RNF214: variants seen among roughly 807,000 people sequenced by gnomAD.
The protein encoded by RNF214 is ring finger protein 214.
Under a neutral mutation model 75.9 loss-of-function variants are expected in RNF214, and 25 were observed. The ratio of observed to expected loss-of-function variants is 0.33; its 90% CI spans 0.24 to 0.46. The LOEUF (loss-of-function observed/expected upper bound fraction) is 0.46. Ranked by LOEUF, RNF214 falls within the 20% of genes least tolerant of loss-of-function variation. The pLI is 1.00. For missense variants in RNF214, 725 were observed against 857.5 expected (o/e 0.85, Z 1.93); for synonymous variants, 314 against 308.8 (o/e 1.02, Z -0.18).
intron 8 of RNF214, 130 bp downstream of exon 8, chr11:117,280,389 T>C: frequency 2.9e-6 from 2 of 699,932 alleles, no homozygotes; most frequent in Non-Finnish European, 2.5e-6. Context: ...AGGCTATCTC[T>C]GTCTGCAGTA....
intron 6 of RNF214, among the ~76,000 whole-genome samples, chr11:117,258,871 G>A (rs898557460): frequency 3.9e-5 from 6 of 152,104 alleles, no homozygotes; most frequent in Admixed American, 2.6e-4. Flanking sequence ...CTTATACAGT[G>A]TACTCTTTTG....
At chr11:117,280,053 A>G in intron 7 of RNF214, 49 bp downstream of exon 7, 1 of 1,541,296 alleles carries the variant, frequency 6.5e-7, no homozygotes, top group African/African-American at 1.4e-5. Context: ...AGGCTTCCAG[A>G]TGGTATCTAC....
At chr11:117,239,763 C>G (rs551437480) in intron 3 of RNF214, 38 bp from the exon 4 acceptor site, 2 of 1,152,764 alleles carry the variant, frequency 1.7e-6, no homozygotes, top group African/African-American at 1.5e-5. Flanking sequence ...TTTAAAGTGT[C>G]TCTGAACGAT....
At chr11:117,276,332 G>C (rs1188144928) in intron 6 of RNF214, among the ~76,000 whole-genome samples, 1 of 152,112 alleles carries the variant, frequency 6.6e-6, no homozygotes, top group Non-Finnish European at 1.5e-5. Flanking sequence ...GAACAAGGCC[G>C]GGCACAGTGG....
rs527819924 is a variant in RNF214 at position 117,239,817 on chromosome 11, C to G, written c.635C>G (p.Ala212Gly). The G allele has an allele frequency of 6.4e-6, 10 of 1,562,642 alleles. No individual in the cohort carries two copies. In the East Asian group the frequency reaches 2.2e-4, roughly 35 times the overall value. ...CCTTTATAGACTGACTTTAAGACAGCTGATTCAGAGGTAAACACAGATCAA... is the reference window on the plus strand; with the variant it reads ...CCTTTATAGACTGACTTTAAGACAGGTGATTCAGAGGTAAACACAGATCAA... Reference protein sequence around the residue: ...NIAVQTDFKTADSEVNTDQDI... With the variant: ...NIAVQTDFKTGDSEVNTDQDI... Residue 212 changes from alanine to glycine, a missense_variant, in exon 4 of 15, where the codon GCT becomes GGT. Ala to Gly is a moderately conservative substitution (Grantham distance 60, BLOSUM62 0). Coordinates refer to ENST00000300650, the MANE Select transcript of RNF214 (RefSeq NM_207343.4).
At chr11:117,240,384 TAAA>T (rs372718608) in intron 4 of RNF214, among the ~76,000 whole-genome samples, 2 of 61,716 alleles carry the variant, frequency 3.2e-5, no homozygotes, top group Non-Finnish European at 6.2e-5. Context: ...CAAAAAAAAT[TAAA>T]AAAAAAAAAA....
intron 6 of RNF214, among the ~76,000 whole-genome samples, chr11:117,259,760 G>C (rs1375725747): frequency 6.6e-6 from 1 of 151,832 alleles, no homozygotes; most frequent in Non-Finnish European, 1.5e-5. Context: ...CTTTTCTTGG[G>C]GGGTTGAGTT....
At position 117,286,354 on chromosome 11, in the gene RNF214, C is replaced by G. The variant is rs2034260087; in HGVS notation, c.*1203C>G. On this transcript the variant is annotated 3_prime_UTR_variant, in exon 15 of 15. Coordinates refer to ENST00000300650, the MANE Select transcript of RNF214 (RefSeq NM_207343.4). ...GGTTTTATACCTGGGAAAGCTGTGA[C>G]TCTATTAGAGCTTTGAATCTTTTCC... 6.6e-6 allele frequency: 1 copy of G among 152,200 alleles called. No homozygotes were observed. Among genetic ancestry groups the G allele is most frequent in the South Asian group, 2.1e-4 (1 of 4,834 alleles). The allele number at this position is 152,200 out of a possible 1,614,324, so 9.4% of individuals were successfully genotyped here.
rs1296355741 is a variant in RNF214, at chr11:117,281,412, T to C, written c.1236+8T>C. 4.4e-6 allele frequency: 7 copies of C among 1,592,250 alleles called. No individual in the cohort carries two copies. Among genetic ancestry groups the C allele is most frequent in the Non-Finnish European group, 6.0e-6 (7 of 1,160,232 alleles). On this transcript the variant is annotated splice_region_variant and intron_variant, in intron 9 of 14. Transcript: ENST00000300650. ...ATGAAAAAGAATGTTCGTGTAAGTG[T>C]ATCTATGAGTCATCATTCAGTCAGT...
chr11:117,265,494 A>G (rs895977669), intron 6 of RNF214, among the ~76,000 whole-genome samples: 1 of 151,816 alleles, frequency 6.6e-6, no homozygotes, highest in Admixed American at 6.6e-5. Context: ...GCTCACTGCA[A>G]CCTCTGCCTC....
intron 8 of RNF214, among the ~76,000 whole-genome samples, chr11:117,280,644 C>G (rs1244012345): frequency 6.6e-6 from 1 of 152,124 alleles, no homozygotes; most frequent in Non-Finnish European, 1.5e-5. Context: ...TGCACTCCAG[C>G]CTAGGTGACA....
chr11:117,268,593 G>A (rs2033845086), intron 6 of RNF214, among the ~76,000 whole-genome samples: 1 of 152,010 alleles, frequency 6.6e-6, no homozygotes, highest in Non-Finnish European at 1.5e-5. Context: ...GTCTTTCCTT[G>A]TAACTGTGTA....
intron 6 of RNF214, among the ~76,000 whole-genome samples, chr11:117,252,174 T>C (rs2033412502): frequency 1.3e-5 from 2 of 152,192 alleles, no homozygotes; most frequent in African/African-American, 2.4e-5. Context: ...TGGCCTATGA[T>C]TTGCATTTTC....
chr11:117,261,668 C>A (rs539203883), intron 6 of RNF214, among the ~76,000 whole-genome samples: 1 of 152,070 alleles, frequency 6.6e-6, no homozygotes, highest in Admixed American at 6.6e-5. Flanking sequence ...GTGAGTGTGA[C>A]AGAGTCTCCC....
chr11:117,283,391 C>T (rs981349181), intron 14 of RNF214, among the ~76,000 whole-genome samples, 181 bp downstream of exon 14: 6 of 151,794 alleles, frequency 4.0e-5, no homozygotes, highest in Non-Finnish European at 7.4e-5. Context: ...GACAGAGTCT[C>T]GCTCTGTTGC....
In RNF214 at chr11:117,238,654, G is replaced by A; in HGVS notation, c.161G>A (p.Ser54Asn). 6.2e-7 allele frequency: 1 copy of A among 1,614,130 alleles called. No individual in the cohort carries two copies. Among genetic ancestry groups the A allele is most frequent in the Non-Finnish European group, 8.5e-7 (1 of 1,180,006 alleles). Residue 54 changes from serine (S) to asparagine (N), a missense_variant, in exon 3 of 15, where the codon AGC (serine) becomes AAC (asparagine). Transcript: ENST00000300650. The part of the protein sequence containing the change: ...QKNSPLLSVS[S>N]QTITKENNRN... Reference sequence around the variant, plus strand: ...AACTCGCCTCTGTTGAGTGTAAGTAGCCAAACAATAACCAAGGAGAATAAC... The same window carrying A: ...AACTCGCCTCTGTTGAGTGTAAGTAACCAAACAATAACCAAGGAGAATAAC...
rs1422785968 is a variant in RNF214, at chr11:117,281,875, T to A, written c.1336-19T>A. Reference sequence around the variant, plus strand: ...TTTTCTTCCTTTCTCTCTCGTCCTCTACCTCTTCTCCTCTGCAGACAGACT... The same window carrying A: ...TTTTCTTCCTTTCTCTCTCGTCCTCAACCTCTTCTCCTCTGCAGACAGACT... On this transcript the variant is annotated intron_variant, in intron 10 of 14. Transcript: ENST00000300650. 6.2e-7 allele frequency: 1 copy of A among 1,609,174 alleles called. No homozygotes were observed. Among genetic ancestry groups the A allele is most frequent in the South Asian group, 1.1e-5 (1 of 90,824 alleles).
intron 6 of RNF214, among the ~76,000 whole-genome samples, chr11:117,265,088 G>A (rs2033766906): frequency 6.6e-6 from 1 of 150,702 alleles, no homozygotes; most frequent in South Asian, 2.1e-4. Flanking sequence ...AAAAAAATTG[G>A]TTCTCTTAAT....
In RNF214 at chr11:117,282,107, C is replaced by A. The variant is rs1257998070; in HGVS notation, c.1549C>A (p.Leu517Ile). Residue 517 changes from leucine to isoleucine, a missense_variant, in exon 11 of 15, where the codon CTT becomes ATT. Physicochemically the swap from Leu to Ile is conservative, Grantham distance 5. This residue lies in a region of RNF214 where 363 missense variants were observed against 513.0 expected (regional missense o/e 0.71). Coordinates refer to ENST00000300650, the MANE Select transcript of RNF214 (RefSeq NM_207343.4). ...HGRNSPGLGS[L>I]VSPHGPHMPP... The stretch of plus-strand genomic sequence containing the variant: ...CAGAAATAGCCCTGGCTTGGGTTCC[C>A]TTGTCAGCCCCCACGGTCCACACAT... 6 of 1,613,972 alleles carry A rather than the reference C, an allele frequency of 3.7e-6. No homozygotes were observed. Among genetic ancestry groups the A allele is most frequent in the Non-Finnish European group, 5.1e-6 (6 of 1,180,008 alleles).
Sources: gnomAD v4.1 joint callset for allele counts (sites outside exome capture counted in the v4.1 genomes callset) on GRCh38, gnomAD v4.1.1 for gene constraint, gnomAD v4.1.1 regional missense constraint, MANE v1.5 for transcripts, NCBI Gene and HGNC (gene_info 2026-07-23, HGNC 2026-07-21) for gene names.